COL25A1: variants seen among roughly 807,000 people sequenced by gnomAD.
COL25A1 encodes collagen alpha-1(XXV) chain.
A neutral mutation model predicts 128.4 loss-of-function variants in COL25A1; 103 were observed. That is an observed-to-expected ratio of 0.80 (90% confidence interval 0.68 to 0.94). The LOEUF is 0.94. COL25A1 is among the 40% of genes least tolerant of loss of function. The probability of loss-of-function intolerance (pLI) is 0.00; values close to 1 mark genes in which losing one functional copy is unlikely to be tolerated. For missense variants in COL25A1, 745 were observed against 840.0 expected, an observed-to-expected ratio of 0.89 and a Z score of 1.40; for synonymous variants, 279 against 277.2, an observed-to-expected ratio of 1.01 and a Z score of -0.06.
At chr4:108,857,046 C>A (rs1736608405) in intron 24 of COL25A1, among the ~76,000 whole-genome samples, 1 of 152,016 alleles carries the variant, frequency 6.6e-6, no homozygotes. Context: ...GGATAGCTTG[C>A]CTCATGCCAG....
At chr4:109,069,316 A>G (rs1050799339) in intron 3 of COL25A1, among the ~76,000 whole-genome samples, 1 of 151,762 alleles carries the variant, frequency 6.6e-6, no homozygotes, top group African/African-American at 2.4e-5. Flanking sequence ...GGCTCAATCA[A>G]TTCTCTCACC....
intron 8 of COL25A1, among the ~76,000 whole-genome samples, chr4:108,966,395 A>T (rs1751298391): frequency 6.6e-6 from 1 of 152,054 alleles, no homozygotes; most frequent in African/African-American, 2.4e-5. Flanking sequence ...TGGGATTTTC[A>T]AGTTGAAAGG....
intron 3 of COL25A1, among the ~76,000 whole-genome samples, chr4:109,153,381 C>CAA (rs34880736): frequency 1.4e-4 from 16 of 115,958 alleles, no homozygotes; most frequent in South Asian, 5.5e-4. Flanking sequence ...AGCTCCATCT[C>CAA]AAAAAAAAAA....
At chr4:108,902,604 C>T (rs1302385266) in intron 13 of COL25A1, among the ~76,000 whole-genome samples, 1 of 151,860 alleles carries the variant, frequency 6.6e-6, no homozygotes, top group Non-Finnish European at 1.5e-5. Flanking sequence ...TAAATATCTA[C>T]CAGATAAACT....
intron 10 of COL25A1, among the ~76,000 whole-genome samples, chr4:108,940,069 C>T (rs1254417432): frequency 6.6e-6 from 1 of 152,166 alleles, no homozygotes. Context: ...ACTTCCTCTA[C>T]TTTCCATAAA....
intron 3 of COL25A1, among the ~76,000 whole-genome samples, chr4:109,291,417 ACAT>A (rs1413092339): frequency 3.9e-5 from 6 of 152,076 alleles, no homozygotes; most frequent in Admixed American, 1.3e-4. Flanking sequence ...CAATATACAA[ACAT>A]CATCATTTTT....
At chr4:108,914,681 G>A (rs1430859558) in intron 13 of COL25A1, among the ~76,000 whole-genome samples, 2 of 120,994 alleles carry the variant, frequency 1.7e-5, no homozygotes, top group African/African-American at 5.7e-5. Flanking sequence ...TTTTGAGACA[G>A]GGTCTCACTA....
intron 3 of COL25A1, among the ~76,000 whole-genome samples, chr4:109,261,077 C>T (rs58478963): frequency 3.3e-5 from 5 of 152,018 alleles, no homozygotes; most frequent in African/African-American, 1.2e-4. Context: ...CTTAAGCAGC[C>T]TTACTTCAAA....
At chr4:109,210,699 A>T (rs1777424775) in intron 3 of COL25A1, among the ~76,000 whole-genome samples, 1 of 152,126 alleles carries the variant, frequency 6.6e-6, no homozygotes, top group African/African-American at 2.4e-5. Context: ...TGACCCCTAG[A>T]AAGTGAGTCT....
At chr4:108,846,301 C>T in intron 27 of COL25A1, 82 bp from the exon 28 acceptor site, 1 of 872,562 alleles carries the variant, frequency 1.1e-6, no homozygotes, top group Non-Finnish European at 1.9e-6. Flanking sequence ...GAATTCCGAT[C>T]AATTTCGTTA....
chr4:108,947,695 A>G (rs891574881), intron 8 of COL25A1, among the ~76,000 whole-genome samples: 5 of 152,144 alleles, frequency 3.3e-5, no homozygotes, highest in African/African-American at 1.2e-4. Flanking sequence ...ATAGATGCAT[A>G]TACTCTACTT....
chr4:109,048,524 C>A (rs1483940016), intron 4 of COL25A1, among the ~76,000 whole-genome samples: 2 of 151,994 alleles, frequency 1.3e-5, no homozygotes, highest in African/African-American at 4.8e-5. Context: ...TTATGATAGA[C>A]CAGTTATAGA....
At chr4:109,201,425 G>C (rs376964029) in intron 3 of COL25A1, among the ~76,000 whole-genome samples, 2 of 152,230 alleles carry the variant, frequency 1.3e-5, no homozygotes, top group African/African-American at 4.8e-5. Context: ...AACAATATTT[G>C]ACAAAATCCA....
intron 3 of COL25A1, among the ~76,000 whole-genome samples, chr4:109,213,836 T>C (rs1372995560): frequency 6.6e-6 from 1 of 152,182 alleles, no homozygotes; most frequent in East Asian, 1.9e-4. Flanking sequence ...AAGTAAATAA[T>C]GAGCTTCACC....
intron 3 of COL25A1, among the ~76,000 whole-genome samples, chr4:109,214,033 C>A (rs889160379): frequency 9.2e-5 from 14 of 152,184 alleles, no homozygotes; most frequent in African/African-American, 3.4e-4. Flanking sequence ...TTAGCCTCAA[C>A]CCACCCTCAG....
chr4:108,820,627 G>A (rs1245787019), intron 35 of COL25A1, among the ~76,000 whole-genome samples: 1 of 151,874 alleles, frequency 6.6e-6, no homozygotes, highest in Non-Finnish European at 1.5e-5. Flanking sequence ...TATAAACCTA[G>A]GGATCTTCTT....
chr4:109,125,017 AC>A (rs1378649829), intron 3 of COL25A1, among the ~76,000 whole-genome samples: 1 of 151,756 alleles, frequency 6.6e-6, no homozygotes, highest in Non-Finnish European at 1.5e-5. Flanking sequence ...ACAAAGCAAA[AC>A]CCCCCCACAC....
intron 23 of COL25A1, 32 bp from the exon 24 acceptor site, chr4:108,859,765 G>T (rs11725279): frequency 0.11 from 166,509 of 1,549,356 alleles, 10,605 homozygotes; most frequent in African/African-American, 0.29. Flanking sequence ...GAAAATCATG[G>T]GTATTAGCTT....
intron 3 of COL25A1, among the ~76,000 whole-genome samples, chr4:109,192,333 G>C (rs949668690): frequency 1.3e-5 from 2 of 152,198 alleles, no homozygotes; most frequent in African/African-American, 4.8e-5. Context: ...ATTGGGAGTG[G>C]GGGGCTGCAA....
Sources: allele counts gnomAD v4.1 joint callset (sites outside exome capture counted in the v4.1 genomes callset), GRCh38; gene constraint gnomAD v4.1.1; transcripts MANE v1.5; gene names NCBI Gene and HGNC (gene_info 2026-07-23, HGNC 2026-07-21).